Variants in DAB1 observed in about 807,000 individuals in gnomAD.
DAB1 encodes the protein disabled homolog 1.
DAB1 carries 15 observed loss-of-function variants against 64.6 expected under a neutral mutation model. That is an observed-to-expected ratio of 0.23 (90% confidence interval 0.16 to 0.36). DAB1 has a LOEUF of 0.36. DAB1 is among the 10% of genes least tolerant of loss of function. The probability of loss-of-function intolerance (pLI) is 1.00; values close to 1 mark genes in which losing one functional copy is unlikely to be tolerated. For synonymous variants in DAB1, 235 were observed against 251.9 expected, an observed-to-expected ratio of 0.93 and a Z score of 0.64; for missense variants, 596 against 706.7, an observed-to-expected ratio of 0.84 and a Z score of 1.78.
chr1:57,383,316 G>C (rs1415521951), intron 1 of DAB1, among the ~76,000 whole-genome samples: 1 of 152,126 alleles, frequency 6.6e-6, no homozygotes, highest in African/African-American at 2.4e-5. Flanking sequence ...GCCTGTTCAT[G>C]TCTGTCCCTC....
intron 5 of DAB1, among the ~76,000 whole-genome samples, chr1:58,000,327 A>G (rs567402339): frequency 6.6e-6 from 1 of 152,316 alleles, no homozygotes; most frequent in East Asian, 1.9e-4. Flanking sequence ...GAAAGAAAAT[A>G]TCTGTATGGA....
intron 4 of DAB1, among the ~76,000 whole-genome samples, chr1:58,338,122 A>T (rs552387921): frequency 1.3e-5 from 2 of 152,318 alleles, no homozygotes; most frequent in East Asian, 3.9e-4. Context: ...CACCTTCAGG[A>T]TTTCACACAA....
At chr1:58,259,802 G>A (rs1038315882) in intron 4 of DAB1, among the ~76,000 whole-genome samples, 26 of 152,212 alleles carry the variant, frequency 1.7e-4, no homozygotes, top group African/African-American at 6.3e-4. Context: ...GCAAGATACA[G>A]CTTTATCCAC....
chr1:57,082,354 C>T (rs1312562033), intron 4 of DAB1, among the ~76,000 whole-genome samples: 2 of 152,300 alleles, frequency 1.3e-5, no homozygotes, highest in African/African-American at 4.8e-5. Flanking sequence ...ATCACTTCCA[C>T]TTCAGTCAAC....
chr1:58,247,498 C>A (rs1660599943), intron 4 of DAB1, among the ~76,000 whole-genome samples: 1 of 152,292 alleles, frequency 6.6e-6, no homozygotes, highest in South Asian at 2.1e-4. Context: ...ACACCAACAA[C>A]TGGAGTCTCC....
intron 9 of DAB1, among the ~76,000 whole-genome samples, chr1:57,038,971 C>G (rs1238727071): frequency 1.3e-5 from 2 of 152,162 alleles, no homozygotes; most frequent in African/African-American, 4.8e-5. Flanking sequence ...GTGGGTAAAG[C>G]CTCTGCCTCT....
intron 5 of DAB1, among the ~76,000 whole-genome samples, chr1:57,930,787 T>A (rs557146938): frequency 2.1e-4 from 32 of 152,314 alleles, no homozygotes; most frequent in African/African-American, 7.7e-4. Context: ...TCTACATAGA[T>A]TATTACATAA....
chr1:57,337,032 C>T (rs1480367712), intron 1 of DAB1, among the ~76,000 whole-genome samples: 6 of 152,098 alleles, frequency 3.9e-5, no homozygotes, highest in Admixed American at 3.3e-4. Flanking sequence ...ACTGATTCTT[C>T]AACTGTTCAG....
intron 5 of DAB1, among the ~76,000 whole-genome samples, chr1:57,970,684 A>G (rs1399080458): frequency 1.3e-5 from 2 of 152,164 alleles, no homozygotes; most frequent in African/African-American, 2.4e-5. Context: ...ACTCCCTTTC[A>G]AATTCAACCT....
In DAB1 at chr1:58,391,288, C is replaced by T. The variant is rs537486498; in HGVS notation, n.258-47885G>A. Among the ~76,000 whole-genome samples the T allele has an allele frequency of 2.0e-5, 3 of 152,332 alleles. No individual in the cohort carries two copies. In the South Asian group the frequency reaches 6.2e-4, roughly 32 times the overall value. ...GCTGTGGAGCAGAGCAGTGAGACTGCAATAGCCAGATTGTGTCGCTTCTCT... is the reference window on the plus strand; with the variant it reads ...GCTGTGGAGCAGAGCAGTGAGACTGTAATAGCCAGATTGTGTCGCTTCTCT... On this transcript the variant is annotated intron_variant and non_coding_transcript_variant, in intron 3 of 20. Transcript: ENST00000485760.
At chr1:57,874,523 A>C (rs1644010604) in intron 1 of DAB1, among the ~76,000 whole-genome samples, 1 of 152,130 alleles carries the variant, frequency 6.6e-6, no homozygotes, top group African/African-American at 2.4e-5. Context: ...TATTAGACCA[A>C]ACATGAAGGT....
At chr1:57,773,699 T>C (rs1649667318) in intron 6 of DAB1, among the ~76,000 whole-genome samples, 1 of 151,948 alleles carries the variant, frequency 6.6e-6, no homozygotes, top group South Asian at 2.1e-4. Context: ...GCGATGAGGG[T>C]CTAGTACTTT....
chr1:57,282,366 G>T (rs1250269729), intron 2 of DAB1, among the ~76,000 whole-genome samples: 1 of 151,930 alleles, frequency 6.6e-6, no homozygotes, highest in East Asian at 1.9e-4. Flanking sequence ...GGAGCAAGCG[G>T]AGTGACAGAA....
chr1:57,620,814 C>T (rs6687594), intron 7 of DAB1, among the ~76,000 whole-genome samples: 45,343 of 152,104 alleles, frequency 0.3, 7,061 homozygotes, highest in South Asian at 0.4. Context: ...AGCAGGGGGG[C>T]AGCGCGGCAG....
At chr1:57,434,026 T>G (rs1358556372) in intron 7 of DAB1, among the ~76,000 whole-genome samples, 1 of 152,148 alleles carries the variant, frequency 6.6e-6, no homozygotes, top group Non-Finnish European at 1.5e-5. Flanking sequence ...GAGCTTTTTA[T>G]ACAATGCTAG....
chr1:58,490,795 C>CATT, intron 3 of DAB1, among the ~76,000 whole-genome samples: 1 of 59,272 alleles, frequency 1.7e-5, no homozygotes, highest in East Asian at 7.2e-4. Context: ...AGTCAACATT[C>CATT]TTTTTTTTTT....
At chr1:57,690,007 G>A (rs767769720) in intron 6 of DAB1, among the ~76,000 whole-genome samples, 2 of 151,982 alleles carry the variant, frequency 1.3e-5, no homozygotes, top group Non-Finnish European at 2.9e-5. Flanking sequence ...AACACATCAT[G>A]TTTGTCTTTC....
intron 6 of DAB1, among the ~76,000 whole-genome samples, chr1:57,707,236 T>C (rs566213618): frequency 2.0e-5 from 3 of 152,220 alleles, no homozygotes; most frequent in Non-Finnish European, 2.9e-5. Context: ...ATTTTGAGAA[T>C]TTATAAATGG....
chr1:58,491,971 A>G (rs1645701964), intron 3 of DAB1, among the ~76,000 whole-genome samples: 1 of 152,224 alleles, frequency 6.6e-6, no homozygotes, highest in African/African-American at 2.4e-5. Flanking sequence ...CATTCTTTTC[A>G]GCACCACACC....
Sources: gnomAD v4.1 joint callset for allele counts (sites outside exome capture counted in the v4.1 genomes callset) on GRCh38, gnomAD v4.1.1 for gene constraint, MANE v1.5 for transcripts, NCBI Gene and HGNC (gene_info 2026-07-23, HGNC 2026-07-21) for gene names.